CACNA1E: variants seen among roughly 807,000 people sequenced by gnomAD.
The protein encoded by CACNA1E is voltage-dependent R-type calcium channel subunit alpha-1E.
A neutral mutation model predicts 259.2 loss-of-function variants in CACNA1E; 40 were observed. The ratio of observed to expected loss-of-function variants is 0.15; its 90% CI spans 0.12 to 0.20. CACNA1E has a LOEUF of 0.20. Ranked by LOEUF, CACNA1E falls within the 10% of genes least tolerant of loss-of-function variation. The pLI, the probability that CACNA1E is intolerant of heterozygous loss-of-function variation, is 1.00. For missense variants in CACNA1E, 1,874 were observed against 3,040.1 expected (o/e 0.62, Z 9.02); for synonymous variants, 1,104 against 1,138.5 (o/e 0.97, Z 0.61).
intron 6 of CACNA1E, among the ~76,000 whole-genome samples, chr1:181,594,947 C>A (rs1001831531): frequency 1.3e-5 from 2 of 152,170 alleles, no homozygotes; most frequent in African/African-American, 4.8e-5. Flanking sequence ...AGGAAGATTT[C>A]TATTATTGAG....
chr1:181,322,397 C>A (rs1650428926), intron 1 of CACNA1E, among the ~76,000 whole-genome samples: 2 of 152,080 alleles, frequency 1.3e-5, no homozygotes, highest in Non-Finnish European at 2.9e-5. Context: ...GCCATTGGAC[C>A]AAGTATACAT....
At chr1:181,456,917 GA>G (rs1353916836) in intron 2 of CACNA1E, among the ~76,000 whole-genome samples, 1 of 152,152 alleles carries the variant, frequency 6.6e-6, no homozygotes, top group East Asian at 1.9e-4. Flanking sequence ...TTTGAAAAGG[GA>G]AAAATTGTAA....
At chr1:181,561,418 AC>A (rs977083495) in intron 3 of CACNA1E, among the ~76,000 whole-genome samples, 2 of 152,036 alleles carry the variant, frequency 1.3e-5, no homozygotes, top group Admixed American at 6.6e-5. Context: ...TATTTCTATC[AC>A]CCCCCAAATT....
intron 2 of CACNA1E, among the ~76,000 whole-genome samples, chr1:181,421,068 G>A (rs1658704547): frequency 6.6e-6 from 1 of 152,164 alleles, no homozygotes. Flanking sequence ...ATAAGGTTAA[G>A]TTACCTGCCC....
chr1:181,617,754 A>G (rs956918762), intron 6 of CACNA1E, among the ~76,000 whole-genome samples: 3 of 152,188 alleles, frequency 2.0e-5, no homozygotes, highest in African/African-American at 7.2e-5. Flanking sequence ...TCATTACAAA[A>G]GAGCCCAAAT....
intron 26 of CACNA1E, 99 bp downstream of exon 26, chr1:181,750,586 A>G: frequency 9.1e-7 from 1 of 1,099,328 alleles, no homozygotes; most frequent in South Asian, 1.3e-5. Flanking sequence ...GCACTGAGAA[A>G]AGAGTGGTCA....
At chr1:181,668,545 G>A (rs919713656) in intron 7 of CACNA1E, among the ~76,000 whole-genome samples, 4 of 152,124 alleles carry the variant, frequency 2.6e-5, no homozygotes, top group Non-Finnish European at 5.9e-5. Context: ...GTAAGTGCAT[G>A]TTTAGTTTTA....
intron 3 of CACNA1E, among the ~76,000 whole-genome samples, chr1:181,545,865 A>G (rs2102809284): frequency 6.6e-6 from 1 of 152,092 alleles, no homozygotes; most frequent in African/African-American, 2.4e-5. Flanking sequence ...AAGTCCAAAC[A>G]CTTTCTTTGC....
At chr1:181,420,570 A>G (rs544083595) in intron 2 of CACNA1E, among the ~76,000 whole-genome samples, 1 of 152,350 alleles carries the variant, frequency 6.6e-6, no homozygotes, top group African/African-American at 2.4e-5. Context: ...TACAGGAGAG[A>G]AAAATGAGCT....
At chr1:181,481,335 T>TTC (rs138827464), upstream of CACNA1E, among the ~76,000 whole-genome samples, 9 of 145,398 alleles carry the variant, frequency 6.2e-5, no homozygotes, top group African/African-American at 2.3e-4. Flanking sequence ...AGAATTTTCC[T>TTC]ACACACACAC....
intron 1 of CACNA1E, among the ~76,000 whole-genome samples, chr1:181,387,830 C>T (rs778691460): frequency 2.0e-5 from 3 of 152,276 alleles, no homozygotes; most frequent in East Asian, 3.9e-4. Flanking sequence ...TCACTTGCAG[C>T]GACGTGGACT....
Position 181,430,491 on chromosome 1 carries a change from G to A in CACNA1E, c.434+16911G>A, listed in dbSNP as rs182341865. On this transcript the variant is annotated intron_variant, in intron 2 of 11. Coordinates refer to the CACNA1E transcript ENST00000524607. ...CAGCTTCTCTTGTTCGGGTTACTGTGGTTATGTTTTGGGTAGGTCCCCCAC... is the reference window on the plus strand; with the variant it reads ...CAGCTTCTCTTGTTCGGGTTACTGTAGTTATGTTTTGGGTAGGTCCCCCAC... Among the ~76,000 whole-genome samples, 13 of 152,252 alleles carry A rather than the reference G, an allele frequency of 8.5e-5. No individual in the cohort carries two copies. The East Asian group carries it at 2.1e-3, about 25-fold the overall frequency.
At chr1:181,526,106 A>G (rs1430483493) in intron 3 of CACNA1E, among the ~76,000 whole-genome samples, 1 of 152,140 alleles carries the variant, frequency 6.6e-6, no homozygotes, top group Non-Finnish European at 1.5e-5. Context: ...AGCAGAGATT[A>G]CCTAGTTATT....
At chr1:181,466,089 T>C (rs1027526517) in intron 2 of CACNA1E, among the ~76,000 whole-genome samples, 1 of 152,208 alleles carries the variant, frequency 6.6e-6, no homozygotes. Flanking sequence ...AGACAGAAGC[T>C]TCCTTGTTAT....
chr1:181,617,000 A>G (rs1282846091), intron 6 of CACNA1E, among the ~76,000 whole-genome samples: 1 of 152,192 alleles, frequency 6.6e-6, no homozygotes, highest in Non-Finnish European at 1.5e-5. Flanking sequence ...AAACATTCAT[A>G]GGATCTGTAG....
At chr1:181,394,675 C>T (rs555835276) in intron 1 of CACNA1E, among the ~76,000 whole-genome samples, 20 of 152,228 alleles carry the variant, frequency 1.3e-4, no homozygotes, top group Non-Finnish European at 2.9e-4. Context: ...CAGGATTCTA[C>T]AGGATGGCTA....
At chr1:181,349,573 G>A (rs983940577) in intron 1 of CACNA1E, among the ~76,000 whole-genome samples, 11 of 152,204 alleles carry the variant, frequency 7.2e-5, no homozygotes, top group African/African-American at 2.7e-4. Context: ...GAGACAGTGA[G>A]GGGGTGAGGG....
chr1:181,398,405 C>A (rs1371219793), intron 1 of CACNA1E, among the ~76,000 whole-genome samples: 1 of 152,220 alleles, frequency 6.6e-6, no homozygotes, highest in Non-Finnish European at 1.5e-5. Context: ...CATGCTCACA[C>A]TTTATTTTAT....
At chr1:181,522,616 T>C (rs527712325) in intron 3 of CACNA1E, among the ~76,000 whole-genome samples, 2 of 152,330 alleles carry the variant, frequency 1.3e-5, no homozygotes, top group South Asian at 4.1e-4. Context: ...ATAACCACTG[T>C]AAATATAACA....
Sources: gnomAD v4.1 joint callset for allele counts (sites outside exome capture counted in the v4.1 genomes callset) on GRCh38, gnomAD v4.1.1 for gene constraint, MANE v1.5 for transcripts, NCBI Gene and HGNC (gene_info 2026-07-23, HGNC 2026-07-21) for gene names.